Variants in ALG9 observed in about 807,000 individuals in gnomAD.
ALG9 encodes the protein alpha-1,2-mannosyltransferase ALG9.
ALG9 carries 55 observed loss-of-function variants against 81.8 expected under a neutral mutation model. The observed-to-expected ratio is 0.67, with a 90% CI of 0.54 to 0.84. The LOEUF is 0.84. ALG9 is among the 40% of genes least tolerant of loss of function. The pLI, the probability that ALG9 is intolerant of heterozygous loss-of-function variation, is 0.00. For missense variants in ALG9, 629 were observed against 745.0 expected (o/e 0.84, Z 1.81); for synonymous variants, 278 against 274.3 (o/e 1.01, Z -0.13).
chr11:111,789,296 T>A (rs118064767), intron 14 of ALG9, among the ~76,000 whole-genome samples: 3,481 of 152,104 alleles, frequency 0.023, 59 homozygotes, highest in Middle Eastern at 0.12. Flanking sequence ...CTGTTGCCCA[T>A]GCTAGAGTGC....
chr11:111,805,725 G>C (rs1207887968), intron 14 of ALG9, among the ~76,000 whole-genome samples: 1 of 152,188 alleles, frequency 6.6e-6, no homozygotes, highest in Non-Finnish European at 1.5e-5. Context: ...AAACGGTAAT[G>C]GGAGACACAT....
chr11:111,812,422 C>T (rs1950861548), intron 13 of ALG9, among the ~76,000 whole-genome samples: 1 of 152,150 alleles, frequency 6.6e-6, no homozygotes, highest in Non-Finnish European at 1.5e-5. Flanking sequence ...TAAAAATTAG[C>T]CGGGCATGGT....
chr11:111,780,445 A>G (rs549822603), downstream of ALG9, among the ~76,000 whole-genome samples: 78 of 148,620 alleles, frequency 5.2e-4, no homozygotes, highest in African/African-American at 1.9e-3. Context: ...CACCCAGGTT[A>G]GAGTGCAGTG....
intron 13 of ALG9, among the ~76,000 whole-genome samples, chr11:111,817,867 C>T (rs1438042548): frequency 3.3e-5 from 5 of 151,194 alleles, no homozygotes; most frequent in African/African-American, 9.7e-5. Context: ...ACCTCCACCT[C>T]GCAGGTTCAA....
In ALG9 at chr11:111,784,261, C is replaced by T. The variant is rs530868929; in HGVS notation, c.*2136G>A. ...CTCCCCAGTTATTGTTCTGTACTGTCTAGACCTATTACCTCTCCAGCGCTT... is the reference window on the plus strand; with the variant it reads ...CTCCCCAGTTATTGTTCTGTACTGTTTAGACCTATTACCTCTCCAGCGCTT... On this transcript the variant is annotated 3_prime_UTR_variant, in exon 15 of 15. Coordinates refer to ENST00000616540, the MANE Select transcript of ALG9 (RefSeq NM_024740.2). 1.3e-5 allele frequency: 2 copies of T among 152,354 alleles called. No individual in the cohort carries two copies. Among genetic ancestry groups the T allele is most frequent in the East Asian group, 3.9e-4 (2 of 5,194 alleles). 9.4% of individuals were successfully genotyped at this position (152,354 alleles called of 1,614,324 possible). A position where few individuals can be genotyped will look rare whatever the true frequency, so the allele number is the denominator to read the frequency against.
intron 13 of ALG9, among the ~76,000 whole-genome samples, chr11:111,822,676 G>T (rs1952622344): frequency 6.6e-6 from 1 of 151,916 alleles, no homozygotes; most frequent in Non-Finnish European, 1.5e-5. Flanking sequence ...TCATGCCACT[G>T]CACTCCAGCC....
rs1946065759 is a variant in ALG9 at position 111,782,892 on chromosome 11, T to C, written c.*3505A>G. On this transcript the variant is annotated 3_prime_UTR_variant, in exon 15 of 15. Coordinates refer to ENST00000616540, the MANE Select transcript of ALG9 (RefSeq NM_024740.2). ...TAAAACAAAGGGTCTATTTCCAAAC[T>C]TGAATTCGGTAATAAAGAGTATGGG... The C allele has an allele frequency of 6.6e-6, 1 of 152,232 alleles. No homozygotes were observed. The highest frequency in any genetic ancestry group is 2.1e-4 in the South Asian group (1 of 4,838). The allele number at this position is 152,232 out of a possible 1,614,324, so 9.4% of individuals were successfully genotyped here.
intron 8 of ALG9, among the ~76,000 whole-genome samples, chr11:111,846,496 C>A (rs1323379406): frequency 6.6e-6 from 1 of 152,140 alleles, no homozygotes; most frequent in Non-Finnish European, 1.5e-5. Flanking sequence ...ATCTTTTTAT[C>A]TAGGTATACT....
Position 111,871,383 on chromosome 11 carries a change from G to C in ALG9, c.100C>G (p.Arg34Gly), listed in dbSNP as rs1555158800. Reference sequence around the variant, plus strand: ...CGGTGCTCCGCGCCGCCCGCCTCTCGGCTGCCCAGCAGCTCCCGCAGCTTG... The same window carrying C: ...CGGTGCTCCGCGCCGCCCGCCTCTCCGCTGCCCAGCAGCTCCCGCAGCTTG... ...ADKLRELLGS[R>G]EAGGAEHRTE... Residue 34 changes from arginine to glycine, a missense_variant, in exon 1 of 15, where the codon CGA (arginine) becomes GGA (glycine). Physicochemically the swap from Arg to Gly is moderately radical, Grantham distance 125. Coordinates refer to ENST00000616540, the MANE Select transcript of ALG9 (RefSeq NM_024740.2). The C allele has an allele frequency of 2.0e-6, 3 of 1,533,398 alleles. No homozygotes were observed. The highest frequency in any genetic ancestry group is 2.0e-5 in the Admixed American group (1 of 50,882). The allele number at this position is 1,533,398 out of a possible 1,614,324, so 95.0% of individuals were successfully genotyped here. A position where few individuals can be genotyped will look rare whatever the true frequency, so the allele number is the denominator to read the frequency against.
chr11:111,789,134 C>T (rs964282723), intron 14 of ALG9, among the ~76,000 whole-genome samples: 1 of 151,448 alleles, frequency 6.6e-6, no homozygotes, highest in Non-Finnish European at 1.5e-5. Context: ...CAAGCGACCT[C>T]GCCTGTCCCA....
Position 111,844,695 on chromosome 11 carries a change from A to C in ALG9, c.924T>G (p.Ile308Met). 1.2e-6 allele frequency: 2 copies of C among 1,614,008 alleles called. No individual in the cohort carries two copies. Among genetic ancestry groups the C allele is most frequent in the Non-Finnish European group, 1.7e-6 (2 of 1,179,880 alleles). ...CTACATTGAAATTCAGAAATCCATT[A>C]ATTAAATAGAAATACCAGGGTTCTG... ...YGTEPWYFYL[I>M]NGFLNFNVAF... The change falls in exon 9 of 15, where the codon ATT (isoleucine) becomes ATG (methionine). Residue 308 changes from isoleucine (I) to methionine (M), a missense_variant. By Grantham distance (10) the Ile-to-Met change is conservative (BLOSUM62 1). Transcript: ENST00000616540.
intron 1 of ALG9, 75 bp downstream of exon 1, chr11:111,871,277 C>G: frequency 1.5e-6 from 2 of 1,346,900 alleles, no homozygotes; most frequent in Non-Finnish European, 1.9e-6. Flanking sequence ...CCGCGCGCCA[C>G]AGCTAAGACC....
At chr11:111,812,915 C>CAAAAAAAAAAAAAAAAAAAA (rs57311061) in intron 13 of ALG9, among the ~76,000 whole-genome samples, 1 of 98,768 alleles carries the variant, frequency 1.0e-5, no homozygotes. Flanking sequence ...GACTCTGTCT[C>CAAAAAAAAAAAAAAAAAAAA]AAAAAAAAAA....
chr11:111,831,254 T>A (rs781978872), intron 13 of ALG9, among the ~76,000 whole-genome samples: 2 of 152,148 alleles, frequency 1.3e-5, no homozygotes, highest in Non-Finnish European at 2.9e-5. Context: ...TTGGCCAAGC[T>A]GATCTTGAAC....
chr11:111,793,300 C>A (rs1479482018), intron 14 of ALG9, among the ~76,000 whole-genome samples: 2 of 152,124 alleles, frequency 1.3e-5, no homozygotes, highest in African/African-American at 4.8e-5. Flanking sequence ...TCTTTTTAAC[C>A]AAAAGAACAA....
intron 14 of ALG9, among the ~76,000 whole-genome samples, chr11:111,794,644 T>C (rs572901759): frequency 6.6e-6 from 1 of 152,174 alleles, no homozygotes; most frequent in South Asian, 2.1e-4. Flanking sequence ...TTTCTGTTTT[T>C]CTCTTCTCTC....
At chr11:111,857,808 C>G (rs1958943981) in intron 5 of ALG9, 71 bp from the exon 6 acceptor site, 1 of 1,571,224 alleles carries the variant, frequency 6.4e-7, no homozygotes, top group African/African-American at 1.4e-5. Flanking sequence ...CAATTAAAAA[C>G]TGATTAAAAA....
chr11:111,866,591 A>G (rs1027669804), intron 3 of ALG9, among the ~76,000 whole-genome samples: 12 of 152,050 alleles, frequency 7.9e-5, no homozygotes, highest in African/African-American at 2.9e-4. Context: ...CAAGAGAAGA[A>G]GAGAAATCTT....
intron 8 of ALG9, among the ~76,000 whole-genome samples, chr11:111,850,198 A>T (rs1218622599): frequency 1.3e-5 from 2 of 152,188 alleles, no homozygotes; most frequent in African/African-American, 4.8e-5. Context: ...ATCTCAAGCT[A>T]GCACCACAAC....
Sources: allele counts gnomAD v4.1 joint callset (sites outside exome capture counted in the v4.1 genomes callset), GRCh38; gene constraint gnomAD v4.1.1; transcripts MANE v1.5; gene names NCBI Gene and HGNC (gene_info 2026-07-23, HGNC 2026-07-21).